The following TNFRSF19 variants were observed in gnomAD, a reference collection of about 807,000 sequenced individuals.
TNFRSF19 encodes TNF receptor superfamily member 19, also known as tumor necrosis factor receptor superfamily member 19.
TNFRSF19 carries 27 observed loss-of-function variants against 46.4 expected under a neutral mutation model. The observed-to-expected ratio is 0.58, with a 90% CI of 0.43 to 0.80. The LOEUF (loss-of-function observed/expected upper bound fraction) is 0.80, where lower values mean the gene tolerates loss of function less well. Ranked by LOEUF, TNFRSF19 falls within the 30% of genes least tolerant of loss-of-function variation. The probability of loss-of-function intolerance (pLI) is 0.00; values close to 1 mark genes in which losing one functional copy is unlikely to be tolerated. For missense variants in TNFRSF19, 511 were observed against 530.8 expected (o/e 0.96, Z 0.37); for synonymous variants, 204 against 205.0 (o/e 1.00, Z 0.04).
At chr13:23,610,304 C>T (rs1344977442) in intron 3 of TNFRSF19, among the ~76,000 whole-genome samples, 1 of 152,166 alleles carries the variant, frequency 6.6e-6, no homozygotes, top group East Asian at 1.9e-4. Flanking sequence ...GCTGGATTTG[C>T]AGAAGGAGAA....
chr13:23,580,096 AGT>A (rs755697066), intron 1 of TNFRSF19, among the ~76,000 whole-genome samples: 66 of 152,178 alleles, frequency 4.3e-4, no homozygotes, highest in Non-Finnish European at 8.2e-4. Flanking sequence ...AGATTTAGAG[AGT>A]GAGAAAGCCA....
chr13:23,626,999 A>G (rs1882057577), intron 5 of TNFRSF19, among the ~76,000 whole-genome samples: 1 of 152,140 alleles, frequency 6.6e-6, no homozygotes, highest in South Asian at 2.1e-4. Flanking sequence ...AGGGATTTGA[A>G]TCTCAGAGTG....
At chr13:23,582,491 T>C (rs895481154) in intron 1 of TNFRSF19, among the ~76,000 whole-genome samples, 5 of 152,208 alleles carry the variant, frequency 3.3e-5, no homozygotes, top group Admixed American at 1.3e-4. Flanking sequence ...TATTAAAATA[T>C]CACTGTCTCC....
Position 23,578,867 on chromosome 13 carries a change from A to C in TNFRSF19, c.-35+8019A>C, listed in dbSNP as rs562032792. Reference sequence around the variant, plus strand: ...GGGCGAGTGCTTCCCGGCCTGCAGGAGGCGAACTCGGGCTTCCCCGGGAGG... The same window carrying C: ...GGGCGAGTGCTTCCCGGCCTGCAGGCGGCGAACTCGGGCTTCCCCGGGAGG... On this transcript the variant is annotated intron_variant, in intron 1 of 9. Transcript: ENST00000248484. Among the ~76,000 whole-genome samples, 5 of 152,268 alleles carry C rather than the reference A, an allele frequency of 3.3e-5. No individual in the cohort carries two copies. The South Asian group carries it at 1.0e-3, about 32-fold the overall frequency.
chr13:23,593,774 T>C (rs938100449), intron 3 of TNFRSF19, among the ~76,000 whole-genome samples: 2 of 152,220 alleles, frequency 1.3e-5, no homozygotes, highest in Non-Finnish European at 2.9e-5. Context: ...GAAATTCCAC[T>C]GAAGATTTAA....
At chr13:23,649,066 G>T (rs931874642) in intron 5 of TNFRSF19, among the ~76,000 whole-genome samples, 1 of 152,080 alleles carries the variant, frequency 6.6e-6, no homozygotes, top group South Asian at 2.1e-4. Context: ...TCTGGCTTTG[G>T]CATGCAGTAA....
chr13:23,660,331 G>A, intron 6 of TNFRSF19, 34 bp from the exon 7 acceptor site: 1 of 1,596,100 alleles, frequency 6.3e-7, no homozygotes, highest in Non-Finnish European at 8.5e-7. Flanking sequence ...AGAGGAGACT[G>A]TGTTCCCTGA....
intron 5 of TNFRSF19, among the ~76,000 whole-genome samples, chr13:23,642,185 C>T (rs1266188977): frequency 6.6e-6 from 1 of 152,206 alleles, no homozygotes; most frequent in East Asian, 1.9e-4. Context: ...AATTCTCCTT[C>T]TTAACTTTAG....
At chr13:23,649,110 C>T (rs1883488800) in intron 5 of TNFRSF19, among the ~76,000 whole-genome samples, 3 of 152,242 alleles carry the variant, frequency 2.0e-5, no homozygotes, top group Middle Eastern at 6.8e-3. Flanking sequence ...AAAGTGTTCT[C>T]CCCTCTTCAT....
At chr13:23,611,722 G>C (rs1166929899) in intron 3 of TNFRSF19, among the ~76,000 whole-genome samples, 1 of 151,874 alleles carries the variant, frequency 6.6e-6, no homozygotes, top group East Asian at 1.9e-4. Flanking sequence ...TCCCTATGGG[G>C]GAAAAAACAA....
At position 23,616,044 on chromosome 13, in the gene TNFRSF19, G is replaced by A. The variant is rs1881264559; in HGVS notation, c.358G>A (p.Gly120Arg). Residue 120 changes from glycine (G) to arginine (R), a missense_variant and splice_region_variant, in exon 4 of 10, where the codon GGA becomes AGA. This residue lies in a region of TNFRSF19 where 14 missense variants were observed against 34.1 expected (regional missense o/e 0.41). Transcript: ENST00000248484. ...SDAICGDCLP[G>R]FYRKTKLVGF... is the part of the protein sequence containing the mutation. ...TGCCATCTGCGGGGACTGCTTGCCA[G>A]GGTGAGTTGGCCAGTTTCTTTCACT... 1 of 1,587,174 alleles carries A rather than the reference G, an allele frequency of 6.3e-7. No homozygotes were observed. The highest frequency in any genetic ancestry group is 8.6e-7 in the Non-Finnish European group (1 of 1,163,802).
At chr13:23,579,697 C>T (rs1037756284) in intron 1 of TNFRSF19, among the ~76,000 whole-genome samples, 4 of 152,194 alleles carry the variant, frequency 2.6e-5, no homozygotes, top group Non-Finnish European at 4.4e-5. Context: ...AAGGGAACCC[C>T]CGAAGGGGCT....
At chr13:23,643,947 G>T (rs1386977158) in intron 5 of TNFRSF19, among the ~76,000 whole-genome samples, 1 of 152,186 alleles carries the variant, frequency 6.6e-6, no homozygotes, top group Admixed American at 6.5e-5. Context: ...GGGAAAAAAA[G>T]ATATAAAAGT....
chr13:23,660,084 A>G (rs1321637371), intron 6 of TNFRSF19, among the ~76,000 whole-genome samples: 1 of 152,134 alleles, frequency 6.6e-6, no homozygotes, highest in African/African-American at 2.4e-5. Flanking sequence ...CATCTGTAGA[A>G]TTCACTGAGG....
chr13:23,599,039 C>G (rs1879936978), intron 3 of TNFRSF19, among the ~76,000 whole-genome samples: 1 of 152,188 alleles, frequency 6.6e-6, no homozygotes, highest in Non-Finnish European at 1.5e-5. Flanking sequence ...TAGCGTTTCT[C>G]TCTGGCTTTT....
At chr13:23,603,655 G>T (rs943827032) in intron 3 of TNFRSF19, among the ~76,000 whole-genome samples, 1 of 151,986 alleles carries the variant, frequency 6.6e-6, no homozygotes, top group Admixed American at 6.6e-5. Flanking sequence ...ACACAAGGCT[G>T]GTTCAGCCTT....
chr13:23,631,139 A>G (rs1293118019), intron 5 of TNFRSF19, among the ~76,000 whole-genome samples: 1 of 152,250 alleles, frequency 6.6e-6, no homozygotes, highest in African/African-American at 2.4e-5. Context: ...TATATTTTAA[A>G]TAACAAATAA....
At chr13:23,637,726 C>T (rs1309558407) in intron 5 of TNFRSF19, among the ~76,000 whole-genome samples, 1 of 152,220 alleles carries the variant, frequency 6.6e-6, no homozygotes, top group Non-Finnish European at 1.5e-5. Flanking sequence ...AATAATTTCA[C>T]AGATTACTTC....
At chr13:23,595,131 A>G (rs1879622538) in intron 3 of TNFRSF19, among the ~76,000 whole-genome samples, 1 of 152,258 alleles carries the variant, frequency 6.6e-6, no homozygotes, top group African/African-American at 2.4e-5. Context: ...CTAAAGGTAG[A>G]TAAATCCACA....
Sources: allele counts gnomAD v4.1 joint callset (sites outside exome capture counted in the v4.1 genomes callset), GRCh38; gene constraint gnomAD v4.1.1; regional missense constraint gnomAD v4.1.1; transcripts MANE v1.5; gene names NCBI Gene and HGNC (gene_info 2026-07-23, HGNC 2026-07-21).